Variants in ATXN7 observed in about 807,000 individuals in gnomAD.
The protein encoded by ATXN7 is ataxin-7.
Under a neutral mutation model 70.5 loss-of-function variants are expected in ATXN7, and 12 were observed. The observed-to-expected ratio is 0.17, with a 90% CI of 0.11 to 0.28. The LOEUF is 0.28. Ranked by LOEUF, ATXN7 falls within the 10% of genes least tolerant of loss-of-function variation. The probability of loss-of-function intolerance (pLI) is 1.00; values close to 1 mark genes in which losing one functional copy is unlikely to be tolerated. For synonymous variants in ATXN7, 498 were observed against 448.7 expected (o/e 1.11, Z -1.39); for missense variants, 1,256 against 1,131.7 (o/e 1.11, Z -1.58).
At chr3:63,992,933 A>C (rs1012269729) in intron 11 of ATXN7, among the ~76,000 whole-genome samples, 2 of 152,150 alleles carry the variant, frequency 1.3e-5, no homozygotes, top group African/African-American at 4.8e-5. Context: ...CCAGAGAACT[A>C]TTCTCACCTG....
At chr3:63,971,812 T>G (rs2075316611) in intron 5 of ATXN7, among the ~76,000 whole-genome samples, 1 of 152,210 alleles carries the variant, frequency 6.6e-6, no homozygotes, top group Admixed American at 6.5e-5. Flanking sequence ...GTCTAGATAT[T>G]GTGCAGATTT....
Position 63,990,388 on chromosome 3 carries a change from C to T in ATXN7, c.1560+14C>T, listed in dbSNP as rs765274970. ...CAGCCAGCATCTGTAAGTTCCACGT[C>T]CACCCCCGCGTTGACCCTCCCCACA... On this transcript the variant is annotated intron_variant, in intron 10 of 12. Transcript: ENST00000674280. The T allele has an allele frequency of 1.2e-6, 2 of 1,613,880 alleles. No individual in the cohort carries two copies. The highest frequency in any genetic ancestry group is 1.3e-5 in the African/African-American group (1 of 74,926).
chr3:63,869,423 CTTTTCTTTTT>C (rs1362838884), intron 1 of ATXN7, among the ~76,000 whole-genome samples: 1 of 151,992 alleles, frequency 6.6e-6, no homozygotes, highest in Non-Finnish European at 1.5e-5. Flanking sequence ...TTTTTCTTTT[CTTTTCTTTTT>C]GTTTTTTTTT....
chr3:63,954,290 A>G (rs886967916), intron 5 of ATXN7, among the ~76,000 whole-genome samples: 1 of 152,240 alleles, frequency 6.6e-6, no homozygotes, highest in East Asian at 1.9e-4. Context: ...TGTGCACTGA[A>G]CAACCATATT....
rs919269181 is a variant in ATXN7, at chr3:63,912,926, G to A, written c.325+3G>A. 4 of 1,609,480 alleles carry A rather than the reference G, an allele frequency of 2.5e-6. No individual in the cohort carries two copies. In the African/African-American group the frequency reaches 4.0e-5, roughly 16 times the overall value. On this transcript the variant is annotated splice_donor_region_variant and intron_variant, in intron 3 of 12. Coordinates refer to ENST00000674280, the MANE Select transcript of ATXN7 (RefSeq NM_001377405.1). Reference sequence around the variant, plus strand: ...TTCCAAACTTCCTGGGAAGGACGGTGAGTGTCCACGCCCTCCTCCCCCCTT... The same window carrying A: ...TTCCAAACTTCCTGGGAAGGACGGTAAGTGTCCACGCCCTCCTCCCCCCTT...
At chr3:63,888,691 G>A (rs148199863) in intron 1 of ATXN7, among the ~76,000 whole-genome samples, 1,823 of 152,184 alleles carry the variant, frequency 0.012, 15 homozygotes, top group Middle Eastern at 0.034. Flanking sequence ...CAGGAGAATC[G>A]CTTGAACCTG....
At position 63,929,942 on chromosome 3, in the gene ATXN7, G is replaced by A. The variant is rs550852305; in HGVS notation, c.394+16717G>A. 3.3e-5 allele frequency among the ~76,000 whole-genome samples: 5 copies of A among 152,214 alleles called. No homozygotes were observed. The South Asian group carries it at 1.0e-3, about 32-fold the overall frequency. Reference sequence around the variant, plus strand: ...CACACAGTGGTTCACACTGTATATTGCCAGTGAGCTGACTGACAAGTAGTG... The same window carrying A: ...CACACAGTGGTTCACACTGTATATTACCAGTGAGCTGACTGACAAGTAGTG... On this transcript the variant is annotated intron_variant, in intron 4 of 12. Coordinates refer to ENST00000674280, the MANE Select transcript of ATXN7 (RefSeq NM_001377405.1).
intron 11 of ATXN7, among the ~76,000 whole-genome samples, chr3:63,991,196 G>C (rs17069610): frequency 0.017 from 2,648 of 152,182 alleles, 87 homozygotes; most frequent in African/African-American, 0.059. Context: ...ATAACAATCA[G>C]CAAGACTTAG....
chr3:63,959,853 A>G (rs1432001047), intron 5 of ATXN7, among the ~76,000 whole-genome samples: 2 of 152,084 alleles, frequency 1.3e-5, no homozygotes, highest in Non-Finnish European at 2.9e-5. Flanking sequence ...TAAACTAGCA[A>G]TGGTATTATT....
In ATXN7 at chr3:63,979,906, C is replaced by T. The variant is rs199607099; in HGVS notation, c.500-9C>T. 2.5e-5 allele frequency: 41 copies of T among 1,610,304 alleles called. No individual in the cohort carries two copies. The highest frequency in any genetic ancestry group is 2.7e-5 in the African/African-American group (2 of 74,592). ...CATGATGTCTTTTTTTCTTTGCTTT[C>T]GTTTTCAGAAAGAAGACATAGCTCA... On this transcript the variant is annotated splice_polypyrimidine_tract_variant and intron_variant, in intron 5 of 12. Transcript: ENST00000674280.
intron 1 of ATXN7, among the ~76,000 whole-genome samples, chr3:63,888,804 C>T (rs1034072766): frequency 1.3e-5 from 2 of 151,988 alleles, no homozygotes; most frequent in Admixed American, 1.3e-4. Context: ...AACAGATCTC[C>T]CTTGTGCTAC....
At chr3:63,863,420 T>C, upstream of ATXN7, 1 of 1,084,412 alleles carries the variant, frequency 9.2e-7, no homozygotes, top group Admixed American at 5.3e-5. Flanking sequence ...GGACTCCCTC[T>C]GGTCCCACCC....
At position 63,940,284 on chromosome 3, in the gene ATXN7, A is replaced by ATC. The variant is rs1021465796; in HGVS notation, c.395-12094_395-12093dup. 2.5e-3 allele frequency among the ~76,000 whole-genome samples: 261 copies of ATC among 104,994 alleles called. 1 individual carries two copies. Among genetic ancestry groups the ATC allele is most frequent in the African/African-American group, 0.011 (259 of 24,628 alleles). 68.9% of individuals were successfully genotyped at this position (104,994 alleles called of 152,430 possible). ...TGCTGGAGCATTGAGGCCATGCCCCATCACACACACACACACACACACACA... is the reference window on the plus strand; with the variant it reads ...TGCTGGAGCATTGAGGCCATGCCCCATCTCACACACACACACACACACACACA... On this transcript the variant is annotated intron_variant, in intron 4 of 12. Transcript: ENST00000674280.
At chr3:63,878,239 T>A (rs1165295415) in intron 1 of ATXN7, among the ~76,000 whole-genome samples, 3 of 152,126 alleles carry the variant, frequency 2.0e-5, no homozygotes, top group African/African-American at 7.2e-5. Context: ...AGTGTGAAAA[T>A]ACAAAGCTGA....
At chr3:63,891,878 G>T (rs1377472838) in intron 1 of ATXN7, among the ~76,000 whole-genome samples, 1 of 152,084 alleles carries the variant, frequency 6.6e-6, no homozygotes, top group Non-Finnish European at 1.5e-5. Context: ...TAAAGAGGTG[G>T]GTAGAATAAT....
intron 1 of ATXN7, among the ~76,000 whole-genome samples, chr3:63,890,481 C>T (rs1703225103): frequency 6.6e-6 from 1 of 152,108 alleles, no homozygotes; most frequent in Non-Finnish European, 1.5e-5. Context: ...CAGGGCATTA[C>T]ATAATTATTT....
At chr3:63,871,864 T>TAA (rs141661643) in intron 1 of ATXN7, among the ~76,000 whole-genome samples, 2,943 of 149,768 alleles carry the variant, frequency 0.02, 68 homozygotes, top group African/African-American at 0.052. Context: ...TTTTTAAATT[T>TAA]AAAAAAAAAA....
Position 63,964,181 on chromosome 3 carries a change from CAA to C in ATXN7, c.499+11700_499+11701del, listed in dbSNP as rs201931890. On this transcript the variant is annotated intron_variant, in intron 5 of 12. Transcript: ENST00000674280. ...TCTAGTAATACTTAATAATATGAGA[CAA>C]AGAGATCTTTCAAAACGAGTGATTA... Among the ~76,000 whole-genome samples, 1,072 of 151,706 alleles carry C rather than the reference CAA, an allele frequency of 7.1e-3. 15 individuals are homozygous for C. Among genetic ancestry groups the C allele is most frequent in the African/African-American group, 0.023 (944 of 41,328 alleles).
At chr3:63,961,878 A>G (rs1234098102) in intron 5 of ATXN7, among the ~76,000 whole-genome samples, 1 of 152,206 alleles carries the variant, frequency 6.6e-6, no homozygotes, top group Non-Finnish European at 1.5e-5. Context: ...ATATAAATCC[A>G]TATTTTATTT....
Sources: gnomAD v4.1 joint callset for allele counts (sites outside exome capture counted in the v4.1 genomes callset) on GRCh38, gnomAD v4.1.1 for gene constraint, MANE v1.5 for transcripts, NCBI Gene and HGNC (gene_info 2026-07-23, HGNC 2026-07-21) for gene names.